The following NRXN1 variants were observed in gnomAD, a reference collection of about 807,000 sequenced individuals.
NRXN1 encodes neurexin-1.
NRXN1 carries 39 observed loss-of-function variants against 150.9 expected under a neutral mutation model. That is an observed-to-expected ratio of 0.26 (90% CI 0.20 to 0.34). NRXN1 has a LOEUF of 0.34. Among genes scored for constraint, NRXN1 ranks in the 10% least tolerant of loss-of-function variants. The probability of loss-of-function intolerance (pLI) is 1.00; values close to 1 mark genes in which losing one functional copy is unlikely to be tolerated. For synonymous variants in NRXN1, 924 were observed against 757.0 expected (o/e 1.22, Z -3.62); for missense variants, 1,815 against 1,949.9 (o/e 0.93, Z 1.30).
intron 5 of NRXN1, among the ~76,000 whole-genome samples, chr2:50,798,941 T>C (rs1301833213): frequency 2.6e-5 from 4 of 152,226 alleles, no homozygotes; most frequent in Non-Finnish European, 4.4e-5. Flanking sequence ...AGCATTTTTA[T>C]TTCTCTGTTG....
chr2:50,032,497 A>C (rs1384726973), intron 21 of NRXN1, among the ~76,000 whole-genome samples: 4 of 152,106 alleles, frequency 2.6e-5, no homozygotes, highest in Non-Finnish European at 5.9e-5. Context: ...TAGATCATTG[A>C]GGTTGAATTT....
intron 2 of NRXN1, among the ~76,000 whole-genome samples, chr2:50,973,136 G>A (rs1695279103): frequency 6.6e-6 from 1 of 152,126 alleles, no homozygotes; most frequent in South Asian, 2.1e-4. Flanking sequence ...GCTATAGAAT[G>A]TATTATACCA....
chr2:50,840,937 ATTTCAG>A (rs970421983), intron 5 of NRXN1: 1 of 152,288 alleles, frequency 6.6e-6, no homozygotes, highest in Non-Finnish European at 1.5e-5. Context: ...CTCAACCCCC[ATTTCAG>A]TTTCAGAAAG....
At chr2:50,992,402 A>T (rs1698665886) in intron 2 of NRXN1, among the ~76,000 whole-genome samples, 2 of 152,002 alleles carry the variant, frequency 1.3e-5, no homozygotes, top group Non-Finnish European at 2.9e-5. Flanking sequence ...AAATTATGCA[A>T]GATAGAACTT....
intron 5 of NRXN1, among the ~76,000 whole-genome samples, chr2:50,876,770 G>A (rs768998432): frequency 1.3e-4 from 19 of 151,704 alleles, no homozygotes; most frequent in Admixed American, 4.0e-4. Context: ...CAGTAACATG[G>A]TAGAAGAGAC....
intron 17 of NRXN1, among the ~76,000 whole-genome samples, chr2:50,422,891 T>A (rs1375961156): frequency 6.6e-6 from 1 of 152,098 alleles, no homozygotes; most frequent in East Asian, 1.9e-4. Flanking sequence ...CCACTCTCAG[T>A]TTTATATGAA....
chr2:50,847,784 T>G (rs893356802), intron 5 of NRXN1, among the ~76,000 whole-genome samples: 5 of 151,914 alleles, frequency 3.3e-5, no homozygotes, highest in African/African-American at 1.2e-4. Flanking sequence ...CCGACAGACG[T>G]CGGCACAGCA....
intron 5 of NRXN1, among the ~76,000 whole-genome samples, chr2:50,890,034 C>T (rs1680820455): frequency 6.6e-6 from 1 of 151,600 alleles, no homozygotes; most frequent in Non-Finnish European, 1.5e-5. Flanking sequence ...TTTCTATGTG[C>T]TCATTCTGTA....
At chr2:50,758,599 T>C (rs755673143) in intron 5 of NRXN1, among the ~76,000 whole-genome samples, 1 of 151,846 alleles carries the variant, frequency 6.6e-6, no homozygotes, top group Non-Finnish European at 1.5e-5. Context: ...CCCACCACCA[T>C]TCCCAGCTTA....
At chr2:50,972,800 A>C (rs776315051) in intron 2 of NRXN1, among the ~76,000 whole-genome samples, 8 of 152,134 alleles carry the variant, frequency 5.3e-5, no homozygotes, top group Non-Finnish European at 1.2e-4. Context: ...GGTGGAGCTC[A>C]GGCAGTAATG....
At chr2:50,515,600 GGTGTGTGTGTGTGTGTGT>G (rs60612860) in intron 12 of NRXN1, among the ~76,000 whole-genome samples, 17 of 143,510 alleles carry the variant, frequency 1.2e-4, no homozygotes, top group Admixed American at 6.3e-4. Context: ...AAATGCTTGG[GGTGTGTGTGTGTGTGTGT>G]GTGTGTGTGT....
At chr2:50,420,503 G>T (rs1224513815) in intron 17 of NRXN1, among the ~76,000 whole-genome samples, 3 of 151,978 alleles carry the variant, frequency 2.0e-5, no homozygotes, top group Non-Finnish European at 4.4e-5. Context: ...GATTTTTGCT[G>T]CTATTAGTGG....
intron 18 of NRXN1, among the ~76,000 whole-genome samples, chr2:50,178,741 T>G (rs1425003146): frequency 6.6e-6 from 1 of 152,140 alleles, no homozygotes; most frequent in African/African-American, 2.4e-5. Flanking sequence ...ACCCCTGCTG[T>G]ATAATACATA....
At chr2:50,238,384 C>A (rs1712904) in intron 17 of NRXN1, among the ~76,000 whole-genome samples, 2 of 151,732 alleles carry the variant, frequency 1.3e-5, no homozygotes, top group Non-Finnish European at 2.9e-5. Flanking sequence ...GTTGTCAGTC[C>A]CATAATCGAT....
At chr2:50,381,832 T>A (rs1269913849) in intron 17 of NRXN1, among the ~76,000 whole-genome samples, 1 of 152,154 alleles carries the variant, frequency 6.6e-6, no homozygotes, top group Admixed American at 6.6e-5. Flanking sequence ...TCAGTGTAAG[T>A]CAACTGATCA....
intron 8 of NRXN1, among the ~76,000 whole-genome samples, chr2:50,604,139 T>C (rs188305568): frequency 6.6e-6 from 1 of 152,356 alleles, no homozygotes; most frequent in East Asian, 1.9e-4. Flanking sequence ...TAGGCTCTTT[T>C]GATCATTTAT....
intron 17 of NRXN1, among the ~76,000 whole-genome samples, chr2:50,395,166 G>T (rs2081977964): frequency 6.6e-6 from 1 of 151,444 alleles, no homozygotes; most frequent in African/African-American, 2.4e-5. Context: ...GTTCTAGGAG[G>T]ATAAGAATTC....
At chr2:50,729,834 T>G (rs1451656394) in intron 5 of NRXN1, among the ~76,000 whole-genome samples, 1 of 152,176 alleles carries the variant, frequency 6.6e-6, no homozygotes, top group Non-Finnish European at 1.5e-5. Context: ...AGGTTTGGTT[T>G]CGAAAGCGAG....
At chr2:50,118,222 T>G (rs1703340175) in intron 18 of NRXN1, among the ~76,000 whole-genome samples, 1 of 152,132 alleles carries the variant, frequency 6.6e-6, no homozygotes, top group African/African-American at 2.4e-5. Context: ...CTGGGAATCT[T>G]GTAAAAATAT....
Sources: gnomAD v4.1 joint callset for allele counts (sites outside exome capture counted in the v4.1 genomes callset) on GRCh38, gnomAD v4.1.1 for gene constraint, MANE v1.5 for transcripts, NCBI Gene and HGNC (gene_info 2026-07-23, HGNC 2026-07-21) for gene names.